The following DPF3 variants were observed in gnomAD, a reference collection of about 807,000 sequenced individuals.
DPF3 encodes the protein double PHD fingers 3.
Under a neutral mutation model 56.8 loss-of-function variants are expected in DPF3, and 18 were observed. The observed-to-expected ratio is 0.32, with a 90% CI of 0.22 to 0.47. The LOEUF (loss-of-function observed/expected upper bound fraction) is 0.47, where lower values mean the gene tolerates loss of function less well. Ranked by LOEUF, DPF3 falls within the 20% of genes least tolerant of loss-of-function variation. The pLI, the probability that DPF3 is intolerant of heterozygous loss-of-function variation, is 1.00. For synonymous variants in DPF3, 188 were observed against 180.2 expected (o/e 1.04, Z -0.35); for missense variants, 403 against 488.8 (o/e 0.82, Z 1.65).
chr14:72,707,059 G>A (rs536122788), intron 6 of DPF3, among the ~76,000 whole-genome samples: 3 of 151,986 alleles, frequency 2.0e-5, no homozygotes, highest in South Asian at 2.1e-4. Flanking sequence ...TCCCACCTAT[G>A]AGTGAGAATA....
intron 1 of DPF3, among the ~76,000 whole-genome samples, chr14:72,776,363 C>A (rs1891742976): frequency 6.6e-6 from 1 of 152,140 alleles, no homozygotes; most frequent in Admixed American, 6.5e-5. Flanking sequence ...TGCAGCAGTG[C>A]TGGCTGCCTA....
intron 1 of DPF3, among the ~76,000 whole-genome samples, chr14:72,793,722 A>C (rs1187269096): frequency 2.0e-5 from 3 of 152,226 alleles, no homozygotes; most frequent in Non-Finnish European, 4.4e-5. Context: ...CCCACCTCTC[A>C]CTTGCCTGCA....
At chr14:72,861,281 G>A (rs1296823129) in intron 1 of DPF3, among the ~76,000 whole-genome samples, 2 of 152,140 alleles carry the variant, frequency 1.3e-5, no homozygotes, top group East Asian at 1.9e-4. Context: ...ACTGTGACAT[G>A]TAGTATTCTC....
chr14:72,700,514 C>A (rs1197138000), intron 6 of DPF3, among the ~76,000 whole-genome samples: 3 of 152,186 alleles, frequency 2.0e-5, no homozygotes, highest in Non-Finnish European at 4.4e-5. Context: ...CAGGTCCCAA[C>A]CAGTCCTGAG....
At chr14:72,843,401 A>G (rs763182348) in intron 1 of DPF3, among the ~76,000 whole-genome samples, 1 of 152,210 alleles carries the variant, frequency 6.6e-6, no homozygotes, top group Non-Finnish European at 1.5e-5. Context: ...TAATTTTTAT[A>G]CAGAAATCTG....
At chr14:72,723,596 C>T (rs1471917000) in intron 5 of DPF3, 37 bp downstream of exon 5, 1 of 1,532,994 alleles carries the variant, frequency 6.5e-7, no homozygotes, top group East Asian at 2.4e-5. Flanking sequence ...CCCAGCCTCC[C>T]TCATCTCTTT....
intron 6 of DPF3, among the ~76,000 whole-genome samples, chr14:72,698,878 A>AG (rs11445680): frequency 1 from 152,351 of 152,352 alleles, 76,175 homozygotes; most frequent in Non-Finnish European, 1. Context: ...GTGTATCCGC[A>AG]GTGCTGTGTC....
intron 8 of DPF3, 114 bp from the exon 9 acceptor site, chr14:72,629,850 A>C: frequency 1.2e-6 from 1 of 867,796 alleles, no homozygotes; most frequent in Non-Finnish European, 1.8e-6. Flanking sequence ...GGGTAGCATG[A>C]CGTAGGGAAA....
At chr14:72,861,228 G>T (rs1021624849) in intron 1 of DPF3, among the ~76,000 whole-genome samples, 4 of 152,034 alleles carry the variant, frequency 2.6e-5, no homozygotes, top group Non-Finnish European at 4.4e-5. Flanking sequence ...ATTTCTCAAT[G>T]ATTACCGTTT....
intron 1 of DPF3, among the ~76,000 whole-genome samples, chr14:72,877,838 G>C (rs1012675786): frequency 1.1e-4 from 16 of 152,276 alleles, no homozygotes; most frequent in Admixed American, 7.2e-4. Flanking sequence ...ATCCCCCAGA[G>C]ACATGTGTAA....
In DPF3 at chr14:72,612,727, A is replaced by G; in HGVS notation, c.*6570T>C. 1 of 424,224 alleles carries G rather than the reference A, an allele frequency of 2.4e-6. No homozygotes were observed. Among genetic ancestry groups the G allele is most frequent in the Non-Finnish European group, 4.7e-6 (1 of 212,328 alleles). The allele number at this position is 424,224 out of a possible 1,614,324, so 26.3% of individuals were successfully genotyped here. On this transcript the variant is annotated 3_prime_UTR_variant, in exon 11 of 11. Transcript: ENST00000556509. ...GCATCCCTTTGATAGCAGAATTGAG[A>G]CTTTTGAAGTACCCAACTATTGCCA...
Position 72,611,667 on chromosome 14 carries a change from C to T in DPF3, c.*7630G>A, listed in dbSNP as rs1329918665. On this transcript the variant is annotated 3_prime_UTR_variant, in exon 11 of 11. Transcript: ENST00000556509. ...CTGGGGACACTGGCTGCCCAACACA[C>T]TCCAGGCCAGGTGACTTCATCAGTT... Among the ~76,000 whole-genome samples, 4 of 152,212 alleles carry T rather than the reference C, an allele frequency of 2.6e-5. No individual in the cohort carries two copies. The highest frequency in any genetic ancestry group is 9.7e-5 in the African/African-American group (4 of 41,442).
intron 7 of DPF3, among the ~76,000 whole-genome samples, chr14:72,682,682 C>T (rs1887211886): frequency 6.6e-6 from 1 of 152,196 alleles, no homozygotes; most frequent in Non-Finnish European, 1.5e-5. Flanking sequence ...AAAGGGAAAG[C>T]ATGAGCCTTC....
At chr14:72,662,148 G>C (rs1186337420) in intron 8 of DPF3, 2 of 984,830 alleles carry the variant, frequency 2.0e-6, no homozygotes, top group African/African-American at 1.8e-5. Context: ...GACTTTTGAA[G>C]GAGGAAAAAA....
intron 1 of DPF3, among the ~76,000 whole-genome samples, chr14:72,882,790 G>A (rs571067463): frequency 7.3e-5 from 11 of 151,560 alleles, no homozygotes; most frequent in East Asian, 3.9e-4. Flanking sequence ...CCAGCACCGC[G>A]TTGCCGCCCC....
At chr14:72,812,844 G>A (rs1883117209) in intron 1 of DPF3, among the ~76,000 whole-genome samples, 1 of 152,194 alleles carries the variant, frequency 6.6e-6, no homozygotes, top group Non-Finnish European at 1.5e-5. Flanking sequence ...AAGACGGGAA[G>A]CCAAACGCCC....
intron 8 of DPF3, among the ~76,000 whole-genome samples, chr14:72,643,117 T>C (rs1177442489): frequency 6.6e-6 from 1 of 152,140 alleles, no homozygotes; most frequent in Non-Finnish European, 1.5e-5. Context: ...TTCTAATCCT[T>C]TGGTCTCTCA....
intron 6 of DPF3, among the ~76,000 whole-genome samples, chr14:72,708,420 C>T (rs1372753305): frequency 2.0e-5 from 3 of 152,148 alleles, no homozygotes; most frequent in African/African-American, 7.2e-5. Context: ...CCTTTCCTCC[C>T]CTCCCCGATC....
intron 1 of DPF3, among the ~76,000 whole-genome samples, chr14:72,805,851 A>G (rs1308444646): frequency 6.6e-6 from 1 of 152,100 alleles, no homozygotes; most frequent in Admixed American, 6.5e-5. Flanking sequence ...TCTCAAAAAT[A>G]AATAAATAAA....
Sources: gnomAD v4.1 joint callset for allele counts (sites outside exome capture counted in the v4.1 genomes callset) on GRCh38, gnomAD v4.1.1 for gene constraint, MANE v1.5 for transcripts, NCBI Gene and HGNC (gene_info 2026-07-23, HGNC 2026-07-21) for gene names.